Variants in SETBP1 observed in about 807,000 individuals in gnomAD.
SETBP1 encodes SET-binding protein.
Under a neutral mutation model 101.0 loss-of-function variants are expected in SETBP1, and 9 were observed. The ratio of observed to expected loss-of-function variants is 0.09; its 90% CI spans 0.05 to 0.16. The LOEUF (loss-of-function observed/expected upper bound fraction) is 0.16, where lower values mean the gene tolerates loss of function less well. SETBP1 is among the 10% of genes least tolerant of loss of function. The pLI is 1.00. For missense variants in SETBP1, 1,858 were observed against 2,033.8 expected (o/e 0.91, Z 1.66); for synonymous variants, 818 against 788.5 (o/e 1.04, Z -0.63).
intron 2 of SETBP1, among the ~76,000 whole-genome samples, chr18:44,702,067 C>T (rs914519996): frequency 6.6e-6 from 1 of 152,138 alleles, no homozygotes; most frequent in African/African-American, 2.4e-5. Flanking sequence ...AGTTGATTAA[C>T]ACTTATTTTA....
At chr18:44,890,423 C>T (rs1214977043) in intron 3 of SETBP1, among the ~76,000 whole-genome samples, 1 of 152,072 alleles carries the variant, frequency 6.6e-6, no homozygotes, top group African/African-American at 2.4e-5. Flanking sequence ...GAGAGATTGT[C>T]CTATTTCTCT....
chr18:44,861,893 G>C (rs2069021665), intron 2 of SETBP1, among the ~76,000 whole-genome samples: 1 of 152,174 alleles, frequency 6.6e-6, no homozygotes, highest in Non-Finnish European at 1.5e-5. Flanking sequence ...ACTTCTGTAG[G>C]TTCATTAAGT....
chr18:44,878,001 C>T lies in SETBP1; in HGVS notation c.540+8718C>T, dbSNP rs548778569. Among the ~76,000 whole-genome samples the T allele has an allele frequency of 2.6e-5, 4 of 152,240 alleles. No individual in the cohort carries two copies. In the South Asian group the frequency reaches 8.3e-4, roughly 32 times the overall value. ...AACAAACCTAATGTGCAGAAGGTCA[C>T]GTGTGAGAAAATTGATAGATGACAG... On this transcript the variant is annotated intron_variant, in intron 3 of 5. Transcript: ENST00000649279.
At chr18:44,978,602 G>T (rs1346158659) in intron 4 of SETBP1, among the ~76,000 whole-genome samples, 2 of 152,204 alleles carry the variant, frequency 1.3e-5, no homozygotes, top group Non-Finnish European at 2.9e-5. Context: ...TTTAACAGAT[G>T]AGAAGACAAT....
chr18:44,718,294 G>C (rs773463656), intron 2 of SETBP1, among the ~76,000 whole-genome samples: 24 of 152,202 alleles, frequency 1.6e-4, no homozygotes, highest in Non-Finnish European at 2.6e-4. Flanking sequence ...CTCATGCTCA[G>C]CCCTGCCAGC....
intron 2 of SETBP1, among the ~76,000 whole-genome samples, chr18:44,868,585 C>T (rs597884): frequency 0.04 from 6,007 of 151,576 alleles, 168 homozygotes; most frequent in Middle Eastern, 0.068. Flanking sequence ...ATCCCAGCTA[C>T]TTGGGAGGCT....
chr18:44,810,210 A>T (rs1036858191), intron 2 of SETBP1, among the ~76,000 whole-genome samples: 4 of 152,338 alleles, frequency 2.6e-5, no homozygotes, highest in Non-Finnish European at 2.9e-5. Context: ...GCAGCAAAGG[A>T]CAAGGAAAAG....
chr18:44,957,233 A>G (rs1460949226), intron 4 of SETBP1, among the ~76,000 whole-genome samples: 1 of 152,160 alleles, frequency 6.6e-6, no homozygotes, highest in African/African-American at 2.4e-5. Flanking sequence ...ATGTGCCCTC[A>G]AAGCCAAGTT....
intron 2 of SETBP1, among the ~76,000 whole-genome samples, chr18:44,860,034 GC>G (rs1402642450): frequency 6.6e-6 from 1 of 152,200 alleles, no homozygotes. Context: ...TCCATTCTCT[GC>G]CACTGAGTGA....
chr18:45,004,977 T>C (rs2072694281), intron 4 of SETBP1, among the ~76,000 whole-genome samples: 1 of 152,198 alleles, frequency 6.6e-6, no homozygotes, highest in Admixed American at 6.5e-5. Flanking sequence ...GACAAAGGAA[T>C]TTCATGGGAT....
At chr18:45,056,316 G>C (rs2073807740) in intron 5 of SETBP1, among the ~76,000 whole-genome samples, 1 of 152,074 alleles carries the variant, frequency 6.6e-6, no homozygotes, top group Non-Finnish European at 1.5e-5. Flanking sequence ...TAAAATATGG[G>C]ACACTGACAG....
intron 3 of SETBP1, among the ~76,000 whole-genome samples, chr18:44,908,350 C>A (rs2070226461): frequency 1.3e-5 from 2 of 152,054 alleles, no homozygotes; most frequent in African/African-American, 4.8e-5. Context: ...CACACCTGGC[C>A]CCTCCTCCTT....
rs3786177 is a variant in SETBP1, at chr18:44,953,350, T to A, written c.4000+10T>A. 0.12 allele frequency: 189,964 copies of A among 1,609,664 alleles called. 12,937 individuals carry two copies. The highest frequency in any genetic ancestry group is 0.28 in the Admixed American group (16,689 of 59,806). ...TCCTCCATGTCTCCAGGTAAGGCTG[T>A]TTTTCTTCAGAAATGGATTATCAAG... On this transcript the variant is annotated intron_variant, in intron 4 of 5. Transcript: ENST00000649279.
At chr18:44,876,478 G>A in intron 3 of SETBP1, 1 of 903,436 alleles carries the variant, frequency 1.1e-6, no homozygotes, top group South Asian at 1.5e-5. Flanking sequence ...AACCCCTGTA[G>A]TGTGGATTGA....
At chr18:45,022,584 C>T (rs34610288) in intron 4 of SETBP1, among the ~76,000 whole-genome samples, 11,963 of 152,178 alleles carry the variant, frequency 0.079, 578 homozygotes, top group East Asian at 0.21. Context: ...GATCCCAGCA[C>T]GTTGGGAGGC....
chr18:44,873,283 G>A (rs527311617), intron 3 of SETBP1, among the ~76,000 whole-genome samples: 1 of 152,260 alleles, frequency 6.6e-6, no homozygotes, highest in African/African-American at 2.4e-5. Flanking sequence ...TGACCCTGAC[G>A]AAGTTACCTA....
chr18:44,723,005 A>T (rs1349146885), intron 2 of SETBP1, among the ~76,000 whole-genome samples: 1 of 152,316 alleles, frequency 6.6e-6, no homozygotes, highest in East Asian at 1.9e-4. Context: ...TTGGTAATTT[A>T]ACCCATTTAG....
chr18:44,836,877 C>G (rs765401362), intron 2 of SETBP1, among the ~76,000 whole-genome samples: 1 of 152,160 alleles, frequency 6.6e-6, no homozygotes, highest in Non-Finnish European at 1.5e-5. Context: ...TGTTATATTT[C>G]TATTTGAGCC....
chr18:44,728,023 T>C (rs16978148), intron 2 of SETBP1, among the ~76,000 whole-genome samples: 10,308 of 152,256 alleles, frequency 0.068, 687 homozygotes, highest in African/African-American at 0.17. Context: ...CCGTCACTTA[T>C]TAGGTTCACT....
Sources: allele counts gnomAD v4.1 joint callset (sites outside exome capture counted in the v4.1 genomes callset), GRCh38; gene constraint gnomAD v4.1.1; transcripts MANE v1.5; gene names NCBI Gene and HGNC (gene_info 2026-07-23, HGNC 2026-07-21).